BTBD9: variants seen among roughly 807,000 people sequenced by gnomAD.
The protein encoded by BTBD9 is BTB/POZ domain-containing protein 9.
A neutral mutation model predicts 64.3 loss-of-function variants in BTBD9; 49 were observed. The ratio of observed to expected loss-of-function variants is 0.76; its 90% CI spans 0.61 to 0.97. The LOEUF (loss-of-function observed/expected upper bound fraction) is 0.97. Ranked by LOEUF, BTBD9 falls within the 50% of genes least tolerant of loss-of-function variation. The probability of loss-of-function intolerance (pLI) is 0.00; values close to 1 mark genes in which losing one functional copy is unlikely to be tolerated. For missense variants in BTBD9, 598 were observed against 762.1 expected (o/e 0.78, Z 2.53); for synonymous variants, 260 against 274.7 (o/e 0.95, Z 0.53).
intron 5 of BTBD9, among the ~76,000 whole-genome samples, chr6:38,578,099 G>GA (rs1776134942): frequency 6.6e-6 from 1 of 152,128 alleles, no homozygotes; most frequent in African/African-American, 2.4e-5. Context: ...ACGAGAGAGA[G>GA]AAAGAACAGA....
At chr6:38,356,396 C>T (rs1764729766) in intron 6 of BTBD9, among the ~76,000 whole-genome samples, 1 of 152,026 alleles carries the variant, frequency 6.6e-6, no homozygotes, top group African/African-American at 2.4e-5. Flanking sequence ...TCTCTATTTG[C>T]CATATTTTTG....
At position 38,174,225 on chromosome 6, in the gene BTBD9, GGTGA is replaced by G. The variant is rs1766904999; in HGVS notation, c.*756_*759del. 1 of 152,252 alleles carries G rather than the reference GGTGA, an allele frequency of 6.6e-6. No individual in the cohort carries two copies. 9.4% of individuals were successfully genotyped at this position (152,252 alleles called of 1,614,324 possible). A position where few individuals can be genotyped will look rare whatever the true frequency, so the allele number is the denominator to read the frequency against. On this transcript the variant is annotated 3_prime_UTR_variant, in exon 11 of 11. Coordinates refer to ENST00000481247, the MANE Select transcript of BTBD9 (RefSeq NM_001099272.2). ...GGCTGGATCCATGTCAGGAATGACA[GGTGA>G]GTAACTCAGCCACACGAGTGACTAT...
intron 6 of BTBD9, among the ~76,000 whole-genome samples, chr6:38,386,354 G>A (rs1416418668): frequency 2.0e-5 from 3 of 151,824 alleles, no homozygotes; most frequent in Admixed American, 6.6e-5. Flanking sequence ...CAATTTAAAC[G>A]GAATAAATAT....
intron 7 of BTBD9, among the ~76,000 whole-genome samples, chr6:38,296,735 T>G (rs1457851158): frequency 6.6e-6 from 1 of 152,206 alleles, no homozygotes; most frequent in Non-Finnish European, 1.5e-5. Flanking sequence ...TATTTTATAA[T>G]TTCCTTTATC....
At chr6:38,335,158 C>T in intron 7 of BTBD9, among the ~76,000 whole-genome samples, 1 of 152,086 alleles carries the variant, frequency 6.6e-6, no homozygotes, top group African/African-American at 2.4e-5. Context: ...TTCCTGAGGC[C>T]TCTCCCCAGC....
intron 9 of BTBD9, among the ~76,000 whole-genome samples, chr6:38,224,801 C>T (rs1296862155): frequency 2.0e-5 from 3 of 152,196 alleles, no homozygotes; most frequent in Non-Finnish European, 4.4e-5. Context: ...TACAAACCAA[C>T]GCTTAACGTG....
At chr6:38,226,453 G>A (rs1445724711) in intron 9 of BTBD9, among the ~76,000 whole-genome samples, 1 of 152,134 alleles carries the variant, frequency 6.6e-6, no homozygotes, top group Non-Finnish European at 1.5e-5. Context: ...AGGAAATGGG[G>A]CTTGGATGGC....
At chr6:38,234,080 G>A (rs1243371825) in intron 9 of BTBD9, among the ~76,000 whole-genome samples, 3 of 152,180 alleles carry the variant, frequency 2.0e-5, no homozygotes, top group Non-Finnish European at 2.9e-5. Context: ...TTCCAGTCAC[G>A]AGGTATGTAC....
chr6:38,449,424 A>G (rs1769420626), intron 6 of BTBD9, among the ~76,000 whole-genome samples: 1 of 152,184 alleles, frequency 6.6e-6, no homozygotes, highest in South Asian at 2.1e-4. Context: ...AAATAGACAC[A>G]TAGACTAGTG....
intron 7 of BTBD9, among the ~76,000 whole-genome samples, chr6:38,297,303 T>C (rs904657042): frequency 6.6e-6 from 1 of 151,954 alleles, no homozygotes; most frequent in Non-Finnish European, 1.5e-5. Context: ...GAGGTGGAGG[T>C]TGCAATGAGC....
At position 38,526,179 on chromosome 6, in the gene BTBD9, C is replaced by T. The variant is rs943823583; in HGVS notation, c.1154+51421G>A. On this transcript the variant is annotated intron_variant, in intron 6 of 10. Coordinates refer to ENST00000481247, the MANE Select transcript of BTBD9 (RefSeq NM_001099272.2). ...CTCTGTGCAGCCTTGGGACACAGTG[C>T]CCTGTATCGCACCTGCTCCAGCTCC... Among the ~76,000 whole-genome samples the T allele has an allele frequency of 2.6e-5, 4 of 152,362 alleles. No individual in the cohort carries two copies. In the East Asian group the frequency reaches 7.7e-4, roughly 29 times the overall value.
intron 6 of BTBD9, among the ~76,000 whole-genome samples, chr6:38,388,448 C>T (rs761831655): frequency 2.6e-5 from 4 of 152,134 alleles, no homozygotes; most frequent in Non-Finnish European, 5.9e-5. Flanking sequence ...TCTACTTAGA[C>T]TTTTATAATG....
chr6:38,571,797 A>G (rs954686058), intron 6 of BTBD9: 1 of 152,264 alleles, frequency 6.6e-6, no homozygotes, highest in Non-Finnish European at 1.5e-5. Context: ...CATCTCTACT[A>G]AAAATAGAAA....
intron 9 of BTBD9, among the ~76,000 whole-genome samples, chr6:38,209,622 C>T (rs796264439): frequency 1.3e-5 from 2 of 152,146 alleles, no homozygotes; most frequent in South Asian, 2.1e-4. Context: ...GGGGGGTGGG[C>T]CCTGCTTGAG....
intron 6 of BTBD9, among the ~76,000 whole-genome samples, chr6:38,465,834 CTTTT>C (rs368219474): frequency 2.9e-5 from 2 of 69,626 alleles, no homozygotes; most frequent in South Asian, 4.3e-4. Flanking sequence ...TTCTTTTTTC[CTTTT>C]TTTTTTTTTT....
intron 8 of BTBD9, among the ~76,000 whole-genome samples, chr6:38,266,915 A>C (rs1765029661): frequency 6.6e-6 from 1 of 152,240 alleles, no homozygotes; most frequent in Non-Finnish European, 1.5e-5. Flanking sequence ...GCAGTGACAC[A>C]CTAGGCAGGT....
chr6:38,225,308 A>G (rs1464383511), intron 9 of BTBD9, among the ~76,000 whole-genome samples: 4 of 152,208 alleles, frequency 2.6e-5, no homozygotes. Context: ...TCTGAGATTC[A>G]CTTGAATGAA....
At chr6:38,497,238 G>A (rs1241369166) in intron 6 of BTBD9, among the ~76,000 whole-genome samples, 4 of 152,066 alleles carry the variant, frequency 2.6e-5, no homozygotes, top group Non-Finnish European at 4.4e-5. Context: ...AATAAAAACA[G>A]TGTATTTCTC....
intron 6 of BTBD9, among the ~76,000 whole-genome samples, chr6:38,387,808 T>A (rs1415676509): frequency 6.6e-6 from 1 of 151,998 alleles, no homozygotes; most frequent in Non-Finnish European, 1.5e-5. Context: ...GCCAAATACA[T>A]CCATGCAGAA....
Sources: allele counts gnomAD v4.1 joint callset (sites outside exome capture counted in the v4.1 genomes callset), GRCh38; gene constraint gnomAD v4.1.1; transcripts MANE v1.5; gene names NCBI Gene and HGNC (gene_info 2026-07-23, HGNC 2026-07-21).